The following CCDC169 variants were observed in gnomAD, a reference collection of about 807,000 sequenced individuals.
CCDC169 encodes coiled-coil domain containing 169.
CCDC169 carries 30 observed loss-of-function variants against 36.0 expected under a neutral mutation model. That is an observed-to-expected ratio of 0.83 (90% CI 0.62 to 1.13). The LOEUF (loss-of-function observed/expected upper bound fraction) is 1.13. Ranked by LOEUF, CCDC169 falls within the 50% of genes most tolerant of loss-of-function variation. CCDC169 has a pLI of 0.00. For synonymous variants in CCDC169, 85 were observed against 81.5 expected, an observed-to-expected ratio of 1.04 and a Z score of -0.23; for missense variants, 245 against 245.9, an observed-to-expected ratio of 1.00 and a Z score of 0.03.
At chr13:36,260,447 G>T (rs1874473390) in intron 4 of CCDC169, among the ~76,000 whole-genome samples, 1 of 152,016 alleles carries the variant, frequency 6.6e-6, no homozygotes, top group East Asian at 1.9e-4. Flanking sequence ...ATAAAAAGAT[G>T]GAATGTAGTG....
intron 4 of CCDC169, 89 bp downstream of exon 4, chr13:36,283,380 G>A: frequency 8.1e-7 from 1 of 1,235,890 alleles, no homozygotes; most frequent in South Asian, 1.4e-5. Context: ...CCTTGCGCTA[G>A]TCTTCAAACT....
intron 7 of CCDC169, among the ~76,000 whole-genome samples, chr13:36,236,665 A>C (rs929726750): frequency 2.0e-5 from 3 of 152,124 alleles, no homozygotes; most frequent in African/African-American, 7.2e-5. Context: ...ATCATCAAGA[A>C]AATAAAAATA....
intron 7 of CCDC169, among the ~76,000 whole-genome samples, chr13:36,236,797 G>T (rs951752112): frequency 3.3e-5 from 5 of 151,888 alleles, no homozygotes; most frequent in African/African-American, 1.2e-4. Flanking sequence ...ATAGGCAAAG[G>T]ACTTGAATAG....
At chr13:36,250,880 C>T (rs1288689051) in intron 6 of CCDC169, among the ~76,000 whole-genome samples, 2 of 152,072 alleles carry the variant, frequency 1.3e-5, no homozygotes, top group East Asian at 1.9e-4. Context: ...TAGAACTTCC[C>T]GATAATGAAA....
At chr13:36,256,063 T>C (rs1448433884) in intron 4 of CCDC169, among the ~76,000 whole-genome samples, 3 of 152,214 alleles carry the variant, frequency 2.0e-5, no homozygotes, top group Admixed American at 6.5e-5. Context: ...CCTGCAAGCG[T>C]TGCTTCCATC....
intron 4 of CCDC169, among the ~76,000 whole-genome samples, chr13:36,268,041 C>A (rs1310660664): frequency 6.6e-6 from 1 of 152,064 alleles, no homozygotes; most frequent in African/African-American, 2.4e-5. Context: ...GACTTCAATA[C>A]ACCACTGACA....
downstream of CCDC169, chr13:36,227,301 C>T: frequency 6.4e-7 from 1 of 1,551,466 alleles, no homozygotes; most frequent in Non-Finnish European, 8.7e-7. Flanking sequence ...ATTCTCTGGT[C>T]CAGCCACACC....
intron 4 of CCDC169, among the ~76,000 whole-genome samples, chr13:36,268,366 AATG>A (rs1875603788): frequency 6.6e-6 from 1 of 152,210 alleles, no homozygotes; most frequent in South Asian, 2.1e-4. Context: ...TCTGCTCCTG[AATG>A]ATATCTGGGT....
downstream of CCDC169, chr13:36,227,400 A>G: frequency 6.6e-7 from 1 of 1,525,674 alleles, no homozygotes; most frequent in Non-Finnish European, 8.8e-7. Context: ...AGAGATGTGA[A>G]TAGAACATGA....
At position 36,231,182 on chromosome 13, in the gene CCDC169, C is replaced by T; in HGVS notation, c.*11G>A. 1 of 1,545,686 alleles carries T rather than the reference C, an allele frequency of 6.5e-7. No individual in the cohort carries two copies. The highest frequency in any genetic ancestry group is 8.7e-7 in the Non-Finnish European group (1 of 1,145,064). ...AAAAAGGAAGAAATAGAAATCCATC[C>T]AGTTCTGGAATCATGGATGGAGTTC... On this transcript the variant is annotated 3_prime_UTR_variant, in exon 8 of 8. Coordinates refer to ENST00000239859, the MANE Select transcript of CCDC169 (RefSeq NM_001144981.3).
At chr13:36,244,044 G>T (rs1872189553) in intron 7 of CCDC169, among the ~76,000 whole-genome samples, 1 of 152,086 alleles carries the variant, frequency 6.6e-6, no homozygotes, top group Admixed American at 6.5e-5. Context: ...GAATAACAGA[G>T]GTAATATATT....
chr13:36,224,974 A>G (rs1403759703), downstream of CCDC169: 2 of 152,126 alleles, frequency 1.3e-5, no homozygotes, highest in Admixed American at 6.5e-5. Flanking sequence ...TAAAGAACCC[A>G]GGAAAAAAAA....
chr13:36,285,611 A>ATAGC (rs1555254462), intron 2 of CCDC169, among the ~76,000 whole-genome samples: 1 of 148,318 alleles, frequency 6.7e-6, no homozygotes, highest in African/African-American at 2.5e-5. Context: ...AGATAGATAG[A>ATAGC]TAGATAGATA....
Position 36,282,440 on chromosome 13 carries a change from G to A in CCDC169, c.315+1029C>T, listed in dbSNP as rs915662745. On this transcript the variant is annotated intron_variant, in intron 4 of 7. Transcript: ENST00000239859. ...TGCTTAGTAATTGGACACTTCTATC[G>A]CTGACTCCTTGATTAGATTTCTAAT... is the stretch of plus-strand genomic sequence containing the variant. The A allele has an allele frequency of 3.8e-5, 37 of 985,178 alleles. No homozygotes were observed. In the South Asian group the frequency reaches 3.8e-4, roughly 10 times the overall value. The allele number at this position is 985,178 out of a possible 1,614,324, so 61.0% of individuals were successfully genotyped here. A position where few individuals can be genotyped will look rare whatever the true frequency, so the allele number is the denominator to read the frequency against.
chr13:36,230,808 A>G lies in CCDC169; in HGVS notation c.*385T>C, dbSNP rs1221137147. 1 of 988,636 alleles carries G rather than the reference A, an allele frequency of 1.0e-6. No individual in the cohort carries two copies. Among genetic ancestry groups the G allele is most frequent in the African/African-American group, 1.7e-5 (1 of 57,334 alleles). 61.2% of individuals were successfully genotyped at this position (988,636 alleles called of 1,614,324 possible). A position where few individuals can be genotyped will look rare whatever the true frequency, so the allele number is the denominator to read the frequency against. ...TTTAAACCTGCAATTTAAAAAACTG[A>G]GCAAGATCCAGCCCAAAATGGCAAA... On this transcript the variant is annotated 3_prime_UTR_variant, in exon 8 of 8. Coordinates refer to ENST00000239859, the MANE Select transcript of CCDC169 (RefSeq NM_001144981.3).
intron 4 of CCDC169, among the ~76,000 whole-genome samples, chr13:36,281,524 A>AT (rs1346602383): frequency 8.5e-5 from 13 of 152,284 alleles, no homozygotes; most frequent in Non-Finnish European, 1.9e-4. Context: ...TATGTGAATA[A>AT]TTTTTTCTAA....
chr13:36,227,151 A>C (rs988479780), downstream of CCDC169: 3 of 1,207,052 alleles, frequency 2.5e-6, no homozygotes, highest in African/African-American at 3.0e-5. Flanking sequence ...AAAGAAATAC[A>C]TGTGAGATCA....
At chr13:36,236,891 G>A (rs114926585) in intron 7 of CCDC169, among the ~76,000 whole-genome samples, 1 of 152,016 alleles carries the variant, frequency 6.6e-6, no homozygotes, top group South Asian at 2.1e-4. Context: ...AAAATTCACA[G>A]ATGCTCAAGT....
intron 7 of CCDC169, among the ~76,000 whole-genome samples, chr13:36,239,213 G>A (rs1291997953): frequency 6.7e-6 from 1 of 149,862 alleles, no homozygotes; most frequent in Non-Finnish European, 1.5e-5. Context: ...ACTGTAGCTG[G>A]GGCAACAGCA....
Sources: allele counts gnomAD v4.1 joint callset (sites outside exome capture counted in the v4.1 genomes callset), GRCh38; gene constraint gnomAD v4.1.1; transcripts MANE v1.5; gene names NCBI Gene and HGNC (gene_info 2026-07-23, HGNC 2026-07-21).